The following TBXAS1 variants were observed in gnomAD, a reference collection of about 807,000 sequenced individuals.
TBXAS1 encodes the protein thromboxane-A synthase.
A neutral mutation model predicts 60.7 loss-of-function variants in TBXAS1; 48 were observed. The observed-to-expected ratio is 0.79, with a 90% CI of 0.63 to 1.01. The LOEUF is 1.01. Ranked by LOEUF, TBXAS1 falls within the 50% of genes least tolerant of loss-of-function variation. TBXAS1 has a pLI of 0.00. For synonymous variants in TBXAS1, 287 were observed against 269.7 expected (o/e 1.06, Z -0.63); for missense variants, 685 against 686.3 (o/e 1.00, Z 0.02).
intron 11 of TBXAS1, among the ~76,000 whole-genome samples, chr7:140,016,200 C>T (rs913558936): frequency 8.6e-5 from 13 of 151,932 alleles, no homozygotes; most frequent in East Asian, 5.8e-4. Context: ...TGGTGGCGGG[C>T]GCCTGTAGTC....
chr7:140,005,325 A>G (rs556253028), intron 9 of TBXAS1, among the ~76,000 whole-genome samples: 2 of 152,292 alleles, frequency 1.3e-5, no homozygotes, highest in African/African-American at 4.8e-5. Flanking sequence ...GCTATTTGAG[A>G]GGCTGAAGCA....
chr7:139,869,974 G>T (rs559434015), intron 1 of TBXAS1, among the ~76,000 whole-genome samples: 2 of 152,128 alleles, frequency 1.3e-5, no homozygotes, highest in Admixed American at 1.3e-4. Flanking sequence ...AAATTTGGTG[G>T]CAATGATCTC....
At chr7:139,938,654 A>G (rs1166468091) in intron 5 of TBXAS1, among the ~76,000 whole-genome samples, 1 of 152,204 alleles carries the variant, frequency 6.6e-6, no homozygotes, top group African/African-American at 2.4e-5. Context: ...AGCCAAGAGA[A>G]GACCGGGGGA....
At chr7:139,968,968 A>C (rs963376572) in intron 9 of TBXAS1, among the ~76,000 whole-genome samples, 4 of 152,230 alleles carry the variant, frequency 2.6e-5, no homozygotes, top group Admixed American at 1.3e-4. Context: ...AAAGGAAAAA[A>C]ACCAACTTCT....
chr7:139,935,275 T>C (rs1807661790), intron 4 of TBXAS1, among the ~76,000 whole-genome samples: 1 of 152,246 alleles, frequency 6.6e-6, no homozygotes. Context: ...ATGTACATCC[T>C]TCTGTATGCT....
intron 2 of TBXAS1, among the ~76,000 whole-genome samples, chr7:139,781,060 G>A (rs1796968846): frequency 6.6e-6 from 1 of 152,212 alleles, no homozygotes; most frequent in Non-Finnish European, 1.5e-5. Flanking sequence ...CTTGGGCAAG[G>A]AAATAGAGTC....
At chr7:139,859,012 G>T (rs1275653758) in intron 1 of TBXAS1, among the ~76,000 whole-genome samples, 2 of 151,932 alleles carry the variant, frequency 1.3e-5, no homozygotes, top group African/African-American at 4.8e-5. Flanking sequence ...GGGATTACAG[G>T]CATGCGCCAG....
intron 3 of TBXAS1, among the ~76,000 whole-genome samples, chr7:139,884,928 G>A (rs371325287): frequency 1.2e-4 from 18 of 152,282 alleles, no homozygotes; most frequent in African/African-American, 4.3e-4. Context: ...CCTAATCTCC[G>A]ATATCAGTCA....
chr7:139,925,625 A>G (rs1806818868), intron 4 of TBXAS1, among the ~76,000 whole-genome samples: 1 of 152,134 alleles, frequency 6.6e-6, no homozygotes, highest in Non-Finnish European at 1.5e-5. Context: ...TCTAATTTGG[A>G]TACGTTTATT....
intron 11 of TBXAS1, among the ~76,000 whole-genome samples, chr7:140,017,152 G>A (rs946738310): frequency 1.3e-5 from 2 of 152,228 alleles, no homozygotes; most frequent in Non-Finnish European, 2.9e-5. Flanking sequence ...AGCAAACACG[G>A]GCAGGAGAGG....
chr7:139,990,301 G>A (rs991473544), intron 9 of TBXAS1, among the ~76,000 whole-genome samples: 10 of 152,324 alleles, frequency 6.6e-5, no homozygotes, highest in African/African-American at 2.4e-4. Context: ...ACGTGAGGGC[G>A]CATTCGCCCC....
chr7:139,928,593 G>A (rs1584874883), intron 4 of TBXAS1, among the ~76,000 whole-genome samples: 1 of 152,120 alleles, frequency 6.6e-6, no homozygotes. Context: ...TGTTCGATTC[G>A]ACTGGGATAA....
At chr7:139,793,283 G>A (rs530768230) in intron 4 of TBXAS1, among the ~76,000 whole-genome samples, 8 of 152,062 alleles carry the variant, frequency 5.3e-5, no homozygotes, top group Non-Finnish European at 8.8e-5. Flanking sequence ...AGCTGGACAT[G>A]GTGGCGCACT....
intron 10 of TBXAS1, among the ~76,000 whole-genome samples, chr7:140,008,637 C>T (rs569418952): frequency 3.9e-5 from 6 of 152,020 alleles, no homozygotes; most frequent in South Asian, 2.1e-4. Flanking sequence ...TTAGTAGAGA[C>T]GGGGTTTCAC....
intron 6 of TBXAS1, among the ~76,000 whole-genome samples, chr7:139,955,245 C>T (rs944710095): frequency 2.1e-4 from 32 of 152,182 alleles, no homozygotes; most frequent in African/African-American, 7.7e-4. Flanking sequence ...CTTCGTGTCT[C>T]CTCCCACCCT....
chr7:140,010,101 C>T (rs1814495408), intron 10 of TBXAS1, among the ~76,000 whole-genome samples: 1 of 150,452 alleles, frequency 6.6e-6, no homozygotes, highest in Admixed American at 6.6e-5. Flanking sequence ...CCACACCTGC[C>T]TCACAGCTGC....
chr7:139,948,209 T>A (rs1808898267), intron 5 of TBXAS1, among the ~76,000 whole-genome samples: 1 of 152,134 alleles, frequency 6.6e-6, no homozygotes, highest in Non-Finnish European at 1.5e-5. Context: ...GTGCCAGCGT[T>A]GTTGGTTTCC....
At chr7:139,881,497 C>A (rs753522484) in intron 3 of TBXAS1, among the ~76,000 whole-genome samples, 1 of 152,050 alleles carries the variant, frequency 6.6e-6, no homozygotes, top group African/African-American at 2.4e-5. Flanking sequence ...GAAATTCATC[C>A]TTTTCCAAAT....
At chr7:140,010,077 A>C (rs1355335002) in intron 10 of TBXAS1, among the ~76,000 whole-genome samples, 1 of 66,772 alleles carries the variant, frequency 1.5e-5, no homozygotes. Flanking sequence ...CTCCACACCC[A>C]CACCACACCC....
Sources: allele counts gnomAD v4.1 joint callset (sites outside exome capture counted in the v4.1 genomes callset), GRCh38; gene constraint gnomAD v4.1.1; transcripts MANE v1.5; gene names NCBI Gene and HGNC (gene_info 2026-07-23, HGNC 2026-07-21).